Variants in DIP2C observed in about 807,000 individuals in gnomAD.
The protein encoded by DIP2C is DIP2 acetate--CoA ligase C (putative), also known as disco-interacting protein 2 homolog C.
DIP2C carries 33 observed loss-of-function variants against 192.4 expected under a neutral mutation model. The ratio of observed to expected loss-of-function variants is 0.17; its 90% CI spans 0.13 to 0.23. The LOEUF (loss-of-function observed/expected upper bound fraction) is 0.23, where lower values mean the gene tolerates loss of function less well. DIP2C is among the 10% of genes least tolerant of loss of function. The pLI is 1.00. For synonymous variants in DIP2C, 979 were observed against 864.1 expected (o/e 1.13, Z -2.33); for missense variants, 1,537 against 2,110.1 (o/e 0.73, Z 5.32).
intron 24 of DIP2C, among the ~76,000 whole-genome samples, chr10:351,414 GGACCT>G (rs1253342079): frequency 6.6e-6 from 1 of 152,180 alleles, no homozygotes; most frequent in Admixed American, 6.5e-5. Flanking sequence ...CTCTCCCTGA[GGACCT>G]CTGCGCCAGG....
At position 649,923 on chromosome 10, in the gene DIP2C, CGT is replaced by C. The variant is rs916192932; in HGVS notation, c.85+39569_85+39570del. On this transcript the variant is annotated intron_variant, in intron 1 of 36. Transcript: ENST00000280886. ...GGTGCCCGTCACCTGCGTCCCCGTG[CGT>C]CACGGCGTTGCCGCACACCATTAAC... 1.0e-5 allele frequency: 6 copies of C among 585,300 alleles called. No homozygotes were observed. In the African/African-American group the frequency reaches 1.1e-4, roughly 11 times the overall value. The allele number at this position is 585,300 out of a possible 1,614,324, so 36.3% of individuals were successfully genotyped here.
chr10:509,155 G>A (rs1321484653), intron 1 of DIP2C, among the ~76,000 whole-genome samples: 3 of 152,160 alleles, frequency 2.0e-5, no homozygotes, highest in Admixed American at 6.5e-5. Context: ...ACTAGGGGTC[G>A]ATTGGTTTTT....
chr10:302,514 G>A (rs1229424869), intron 32 of DIP2C, among the ~76,000 whole-genome samples: 1 of 152,132 alleles, frequency 6.6e-6, no homozygotes, highest in Admixed American at 6.5e-5. Context: ...ATGAAACACT[G>A]AGAAGCTGGA....
At chr10:627,919 A>G (rs991889968) in intron 1 of DIP2C, among the ~76,000 whole-genome samples, 11 of 152,214 alleles carry the variant, frequency 7.2e-5, no homozygotes, top group African/African-American at 1.9e-4. Flanking sequence ...TCAGTCCCCC[A>G]CCTCACCCAG....
intron 32 of DIP2C, among the ~76,000 whole-genome samples, chr10:289,224 G>A (rs530505861): frequency 2.0e-4 from 31 of 152,040 alleles, no homozygotes; most frequent in African/African-American, 7.5e-4. Context: ...GTGCGGGCAG[G>A]GGGCCTGTGG....
At chr10:422,774 C>T in intron 5 of DIP2C, 50 bp downstream of exon 5, 1 of 1,572,938 alleles carries the variant, frequency 6.4e-7, no homozygotes, top group South Asian at 1.1e-5. Context: ...TGTGCACACA[C>T]AAAGGCGTTT....
At chr10:466,031 A>G (rs992859664) in intron 3 of DIP2C, among the ~76,000 whole-genome samples, 1 of 151,772 alleles carries the variant, frequency 6.6e-6, no homozygotes, top group Non-Finnish European at 1.5e-5. Flanking sequence ...AGAATTGGAA[A>G]AAACTACTTT....
chr10:326,002 G>A lies in DIP2C; in HGVS notation c.3924+1004C>T, dbSNP rs568461524. Among the ~76,000 whole-genome samples, 4 of 152,180 alleles carry A rather than the reference G, an allele frequency of 2.6e-5. No homozygotes were observed. In the South Asian group the frequency reaches 8.3e-4, roughly 32 times the overall value. Reference sequence around the variant, plus strand: ...TCAAGACCAGCCTGGGCGACATGGTGAAACCCCGTCTCCACAAAAAATTTA... The same window carrying A: ...TCAAGACCAGCCTGGGCGACATGGTAAAACCCCGTCTCCACAAAAAATTTA... On this transcript the variant is annotated intron_variant, in intron 31 of 36. Coordinates refer to ENST00000280886, the MANE Select transcript of DIP2C (RefSeq NM_014974.3).
intron 1 of DIP2C, among the ~76,000 whole-genome samples, chr10:514,906 C>T (rs564845777): frequency 2.4e-4 from 37 of 152,298 alleles, no homozygotes; most frequent in African/African-American, 5.5e-4. Context: ...GCAATAACCT[C>T]ATTTCTGTAG....
At chr10:283,213 A>G in intron 35 of DIP2C, 59 bp downstream of exon 35, 1 of 1,574,788 alleles carries the variant, frequency 6.4e-7, no homozygotes, top group South Asian at 1.2e-5. Flanking sequence ...TTCTGTATCT[A>G]CAGGAGCCTA....
chr10:367,868 C>G (rs531470230), intron 18 of DIP2C, among the ~76,000 whole-genome samples: 1 of 152,376 alleles, frequency 6.6e-6, no homozygotes, highest in African/African-American at 2.4e-5. Flanking sequence ...AGGACACACA[C>G]GGGGTGGGGG....
At chr10:595,111 A>C (rs1851628823) in intron 1 of DIP2C, among the ~76,000 whole-genome samples, 1 of 152,202 alleles carries the variant, frequency 6.6e-6, no homozygotes, top group Admixed American at 6.5e-5. Context: ...GACAAGAGGT[A>C]AAATGGCAAA....
intron 19 of DIP2C, chr10:364,871 G>C: frequency 1.6e-6 from 1 of 627,858 alleles, no homozygotes; most frequent in Admixed American, 2.2e-5. Context: ...AGTCTCACAG[G>C]AGGCCAATCA....
At chr10:580,021 G>A (rs73588152) in intron 1 of DIP2C, among the ~76,000 whole-genome samples, 5,758 of 152,150 alleles carry the variant, frequency 0.038, 155 homozygotes, top group East Asian at 0.14. Flanking sequence ...TGAATAGCAT[G>A]TACACGCATC....
At chr10:522,528 G>T (rs1314910710) in intron 1 of DIP2C, among the ~76,000 whole-genome samples, 2 of 152,228 alleles carry the variant, frequency 1.3e-5, no homozygotes, top group Admixed American at 6.5e-5. Flanking sequence ...CACAAGTGAG[G>T]GTCCTGATGC....
intron 1 of DIP2C, among the ~76,000 whole-genome samples, chr10:619,359 G>A (rs1005883802): frequency 2.6e-5 from 4 of 152,200 alleles, no homozygotes; most frequent in Admixed American, 6.5e-5. Flanking sequence ...CAGCAGGGCT[G>A]GCTCCGGGGA....
intron 1 of DIP2C, among the ~76,000 whole-genome samples, chr10:614,368 T>C (rs1853301416): frequency 2.0e-5 from 3 of 152,236 alleles, no homozygotes; most frequent in Non-Finnish European, 4.4e-5. Flanking sequence ...GGCCTGGACA[T>C]GCACCTCTTT....
chr10:596,025 T>G (rs1304464244), intron 1 of DIP2C, among the ~76,000 whole-genome samples: 1 of 152,204 alleles, frequency 6.6e-6, no homozygotes, highest in African/African-American at 2.4e-5. Flanking sequence ...GGTGACTGCC[T>G]GTGCTCAGAC....
Position 389,010 on chromosome 10 carries a change from G to A in DIP2C, c.1597+981C>T, listed in dbSNP as rs559471105. 2.0e-5 allele frequency among the ~76,000 whole-genome samples: 3 copies of A among 150,774 alleles called. No homozygotes were observed. In the South Asian group the frequency reaches 6.4e-4, roughly 32 times the overall value. On this transcript the variant is annotated intron_variant, in intron 13 of 36. Coordinates refer to ENST00000280886, the MANE Select transcript of DIP2C (RefSeq NM_014974.3). Reference sequence around the variant, plus strand: ...GCATCCCAAGGGATCTCAGGGCCACGGGGATTCTCTGGGGGTTCTCTGGGG... The same window carrying A: ...GCATCCCAAGGGATCTCAGGGCCACAGGGATTCTCTGGGGGTTCTCTGGGG...
Sources: gnomAD v4.1 joint callset for allele counts (sites outside exome capture counted in the v4.1 genomes callset) on GRCh38, gnomAD v4.1.1 for gene constraint, MANE v1.5 for transcripts, NCBI Gene and HGNC (gene_info 2026-07-23, HGNC 2026-07-21) for gene names.